Variants in PARVA observed in about 807,000 individuals in gnomAD.
PARVA encodes the protein parvin alpha, also known as alpha-parvin.
PARVA carries 25 observed loss-of-function variants against 52.6 expected under a neutral mutation model. The ratio of observed to expected loss-of-function variants is 0.48; its 90% CI spans 0.35 to 0.66. The LOEUF (loss-of-function observed/expected upper bound fraction) is 0.66, where lower values mean the gene tolerates loss of function less well. PARVA is among the 30% of genes least tolerant of loss of function. The probability of loss-of-function intolerance (pLI) is 0.01; values close to 1 mark genes in which losing one functional copy is unlikely to be tolerated. For missense variants in PARVA, 373 were observed against 450.9 expected (o/e 0.83, Z 1.56); for synonymous variants, 185 against 179.1 (o/e 1.03, Z -0.26).
intron 6 of PARVA, among the ~76,000 whole-genome samples, chr11:12,505,475 T>C (rs1361646978): frequency 6.6e-6 from 1 of 152,182 alleles, no homozygotes; most frequent in Non-Finnish European, 1.5e-5. Flanking sequence ...AGTGAAAAAC[T>C]ATTTATTCCA....
chr11:12,442,035 G>A (rs533634618), intron 1 of PARVA, among the ~76,000 whole-genome samples: 52 of 152,348 alleles, frequency 3.4e-4, no homozygotes, highest in African/African-American at 1.3e-3. Flanking sequence ...CTCAGAGTTG[G>A]AAGGGGCCTT....
intron 1 of PARVA, among the ~76,000 whole-genome samples, chr11:12,389,973 A>G (rs1939633750): frequency 6.6e-6 from 1 of 152,154 alleles, no homozygotes; most frequent in South Asian, 2.1e-4. Context: ...ATCCAGAGGC[A>G]ATGCTCCTCT....
intron 1 of PARVA, among the ~76,000 whole-genome samples, chr11:12,380,064 T>A (rs556393843): frequency 6.6e-6 from 1 of 152,190 alleles, no homozygotes; most frequent in Non-Finnish European, 1.5e-5. Context: ...CTTGCTGAAG[T>A]AGGCTATCCT....
intron 4 of PARVA, chr11:12,480,332 A>C (rs12363049): frequency 6.6e-6 from 1 of 152,086 alleles, no homozygotes; most frequent in Non-Finnish European, 1.5e-5. Context: ...GTTAATATTT[A>C]AAGGCTTGTA....
At chr11:12,486,505 C>T (rs1012973224) in intron 4 of PARVA, among the ~76,000 whole-genome samples, 1 of 151,666 alleles carries the variant, frequency 6.6e-6, no homozygotes, top group Admixed American at 6.6e-5. Flanking sequence ...TGTACTCCAG[C>T]GTGCACAACA....
At chr11:12,393,219 C>T (rs986618879) in intron 1 of PARVA, among the ~76,000 whole-genome samples, 1 of 151,988 alleles carries the variant, frequency 6.6e-6, no homozygotes, top group Admixed American at 6.5e-5. Context: ...TTACAAAGTG[C>T]GATTATGGGC....
At chr11:12,443,407 T>C (rs1434296198) in intron 1 of PARVA, among the ~76,000 whole-genome samples, 1 of 151,752 alleles carries the variant, frequency 6.6e-6, no homozygotes, top group Non-Finnish European at 1.5e-5. Context: ...CCTGACCTCA[T>C]GATCCGCCCA....
chr11:12,378,100 G>A (rs932351417), intron 1 of PARVA, among the ~76,000 whole-genome samples: 66 of 151,516 alleles, frequency 4.4e-4, no homozygotes, highest in African/African-American at 1.6e-3. Context: ...GAGGCGGCGG[G>A]ACCGGAGCCC....
At chr11:12,383,337 A>G (rs1349170670) in intron 1 of PARVA, among the ~76,000 whole-genome samples, 1 of 152,190 alleles carries the variant, frequency 6.6e-6, no homozygotes, top group Non-Finnish European at 1.5e-5. Flanking sequence ...AAGCAACACT[A>G]ACTTGAATTG....
Position 12,528,772 on chromosome 11 carries a change from C to T in PARVA, c.*847C>T, listed in dbSNP as rs1235498355. On this transcript the variant is annotated 3_prime_UTR_variant, in exon 13 of 13. Coordinates refer to ENST00000334956, the MANE Select transcript of PARVA (RefSeq NM_018222.5). ...AGTGTGTGTGTGGCAGGAGTCATGT[C>T]CCTCACATCCTTTGTACAAATGAAA... The T allele has an allele frequency of 6.6e-6, 1 of 152,564 alleles. No individual in the cohort carries two copies. The highest frequency in any genetic ancestry group is 1.5e-5 in the Non-Finnish European group (1 of 68,038). The allele number at this position is 152,564 out of a possible 1,614,324, so 9.5% of individuals were successfully genotyped here.
intron 1 of PARVA, among the ~76,000 whole-genome samples, chr11:12,432,045 G>T (rs1248490609): frequency 6.6e-6 from 1 of 152,124 alleles, no homozygotes; most frequent in Admixed American, 6.5e-5. Flanking sequence ...CTCTGCAAAG[G>T]AGCTATAATA....
chr11:12,380,179 T>G (rs538962960), intron 1 of PARVA, among the ~76,000 whole-genome samples: 29 of 140,536 alleles, frequency 2.1e-4, no homozygotes, highest in African/African-American at 7.8e-4. Context: ...ACAGGGTCCC[T>G]GCAGGAAAAA....
chr11:12,501,069 T>C (rs891356876), intron 5 of PARVA, among the ~76,000 whole-genome samples: 5 of 151,362 alleles, frequency 3.3e-5, no homozygotes, highest in African/African-American at 1.2e-4. Context: ...GATCTAGTCA[T>C]TGCACTCCAA....
chr11:12,508,497 A>G, intron 6 of PARVA, 87 bp from the exon 7 acceptor site: 1 of 930,290 alleles, frequency 1.1e-6, no homozygotes, highest in Non-Finnish European at 1.8e-6. Context: ...CTTTCTCATT[A>G]TCAGGAATGC....
intron 12 of PARVA, among the ~76,000 whole-genome samples, chr11:12,526,431 C>CT (rs1941702090): frequency 6.6e-6 from 1 of 152,130 alleles, no homozygotes; most frequent in South Asian, 2.1e-4. Context: ...TCTTAATCAC[C>CT]TACTTCATCT....
chr11:12,488,963 C>G (rs1240145817), intron 4 of PARVA, among the ~76,000 whole-genome samples: 2 of 152,006 alleles, frequency 1.3e-5, no homozygotes, highest in Non-Finnish European at 2.9e-5. Flanking sequence ...GCGTAAGCCA[C>G]CATGAGCACT....
chr11:12,407,942 C>A (rs1393927497), intron 1 of PARVA, among the ~76,000 whole-genome samples: 1 of 152,244 alleles, frequency 6.6e-6, no homozygotes, highest in Admixed American at 6.5e-5. Context: ...GTTCAGGAAC[C>A]TGCGATGAGT....
In PARVA at chr11:12,473,926, G is replaced by C. The variant is rs745952100; in HGVS notation, c.240G>C (p.Val80=). ...PEDTMLEENE[V]RTMVDPNSRS... ...TTCTTTTTAAAGAGGAGAATGAGGT[G>C]CGAACAATGGTGGATCCAAACTCAC... The change falls in exon 3 of 13, where the codon GTG becomes GTC. Residue 80 remains valine, a synonymous_variant. Coordinates refer to ENST00000334956, the MANE Select transcript of PARVA (RefSeq NM_018222.5). The C allele has an allele frequency of 1.0e-5, 16 of 1,580,050 alleles. No individual in the cohort carries two copies. Among genetic ancestry groups the C allele is most frequent in the Non-Finnish European group, 1.4e-5 (16 of 1,162,902 alleles).
intron 1 of PARVA, among the ~76,000 whole-genome samples, chr11:12,424,501 A>G (rs534593979): frequency 6.6e-6 from 1 of 152,316 alleles, no homozygotes; most frequent in African/African-American, 2.4e-5. Flanking sequence ...ATTTAAATAA[A>G]TTTAAAAATA....
Sources: allele counts gnomAD v4.1 joint callset (sites outside exome capture counted in the v4.1 genomes callset), GRCh38; gene constraint gnomAD v4.1.1; transcripts MANE v1.5; gene names NCBI Gene and HGNC (gene_info 2026-07-23, HGNC 2026-07-21).